The following FLRT2 variants were observed in gnomAD, a reference collection of about 807,000 sequenced individuals.
The protein encoded by FLRT2 is leucine-rich repeat transmembrane protein FLRT2.
Under a neutral mutation model 40.0 loss-of-function variants are expected in FLRT2, and 15 were observed. The ratio of observed to expected loss-of-function variants is 0.38; its 90% CI spans 0.25 to 0.58. The LOEUF (loss-of-function observed/expected upper bound fraction) is 0.58. FLRT2 is among the 20% of genes least tolerant of loss of function. The pLI, the probability that FLRT2 is intolerant of heterozygous loss-of-function variation, is 0.71. For synonymous variants in FLRT2, 380 were observed against 336.8 expected, an observed-to-expected ratio of 1.13 and a Z score of -1.41; for missense variants, 726 against 840.0, an observed-to-expected ratio of 0.86 and a Z score of 1.68.
rs931682548 is a variant in FLRT2, at chr14:85,652,158, A to G, written c.*28661A>G. 5 of 152,126 alleles carry G rather than the reference A, an allele frequency of 3.3e-5. No homozygotes were observed. Among genetic ancestry groups the G allele is most frequent in the Middle Eastern group, 3.2e-3 (1 of 316 alleles). The allele number at this position is 152,126 out of a possible 1,614,324, so 9.4% of individuals were successfully genotyped here. On this transcript the variant is annotated 3_prime_UTR_variant, in exon 2 of 2. Transcript: ENST00000330753. ...AAAAGTATGTTTGATGTTGCTGAAG[A>G]TTCTTTCATAAACATATTAAAGTCA...
chr14:85,550,017 C>T (rs1889516339), intron 1 of FLRT2, among the ~76,000 whole-genome samples: 1 of 143,176 alleles, frequency 7.0e-6, no homozygotes, highest in Non-Finnish European at 1.5e-5. Flanking sequence ...TTGAAGAACT[C>T]TTACAACCAC....
In FLRT2 at chr14:85,629,818, C is replaced by T. The variant is rs1893820822; in HGVS notation, c.*6321C>T. 1 of 152,124 alleles carries T rather than the reference C, an allele frequency of 6.6e-6. No homozygotes were observed. Among genetic ancestry groups the T allele is most frequent in the African/African-American group, 2.4e-5 (1 of 41,426 alleles). 9.4% of individuals were successfully genotyped at this position (152,124 alleles called of 1,614,324 possible). A position where few individuals can be genotyped will look rare whatever the true frequency, so the allele number is the denominator to read the frequency against. ...AATAAAGGGAACATTTTAGAAGCCT[C>T]AAAATTCTTGTCTTTTAAAGCCCTT... On this transcript the variant is annotated 3_prime_UTR_variant, in exon 2 of 2. Transcript: ENST00000330753.
At chr14:85,562,372 T>C (rs1463382795) in intron 1 of FLRT2, among the ~76,000 whole-genome samples, 1 of 152,204 alleles carries the variant, frequency 6.6e-6, no homozygotes, top group Non-Finnish European at 1.5e-5. Flanking sequence ...GTGTGTGGCA[T>C]TTGGCATCAA....
At chr14:85,552,358 A>C (rs920391920) in intron 1 of FLRT2, among the ~76,000 whole-genome samples, 2 of 152,238 alleles carry the variant, frequency 1.3e-5, no homozygotes, top group African/African-American at 2.4e-5. Flanking sequence ...GATAGCAGTA[A>C]TAAAACCCCT....
Position 85,647,136 on chromosome 14 carries a change from C to T in FLRT2, c.*23639C>T, listed in dbSNP as rs562064718. The T allele has an allele frequency of 6.6e-6, 1 of 152,220 alleles. No individual in the cohort carries two copies. Among genetic ancestry groups the T allele is most frequent in the South Asian group, 2.1e-4 (1 of 4,820 alleles). 9.4% of individuals were successfully genotyped at this position (152,220 alleles called of 1,614,324 possible). A position where few individuals can be genotyped will look rare whatever the true frequency, so the allele number is the denominator to read the frequency against. On this transcript the variant is annotated 3_prime_UTR_variant, in exon 2 of 2. Transcript: ENST00000330753. Reference sequence around the variant, plus strand: ...TTTAGTATCTCATATGCTTCGTGTACATGTCATGTATGAAGGTGCCTGAGG... The same window carrying T: ...TTTAGTATCTCATATGCTTCGTGTATATGTCATGTATGAAGGTGCCTGAGG...
rs1555372977 is a variant in FLRT2 at position 85,631,132 on chromosome 14, A to ATATATATAT, written c.*7635_*7636insTATATATAT. 2 of 139,532 alleles carry ATATATATAT rather than the reference A, an allele frequency of 1.4e-5. No homozygotes were observed. The highest frequency in any genetic ancestry group is 2.8e-5 in the African/African-American group (1 of 36,252). 8.6% of individuals were successfully genotyped at this position (139,532 alleles called of 1,614,324 possible). On this transcript the variant is annotated 3_prime_UTR_variant, in exon 2 of 2. Coordinates refer to ENST00000330753, the MANE Select transcript of FLRT2 (RefSeq NM_013231.6). Reference sequence around the variant, plus strand: ...AGATTTTATATATATATATATATGAAATGAGCAAACAAAATGCTTTCAGTT... The same window carrying ATATATATAT: ...AGATTTTATATATATATATATATGAATATATATATATGAGCAAACAAAATGCTTTCAGTT...
At chr14:85,567,006 A>T (rs541163055) in intron 1 of FLRT2, among the ~76,000 whole-genome samples, 141 of 152,316 alleles carry the variant, frequency 9.3e-4, no homozygotes, top group African/African-American at 3.2e-3. Flanking sequence ...CTCATGATTG[A>T]AACAGTGTCA....
rs773064350 is a variant in FLRT2 at position 85,621,554 on chromosome 14, T to A, written c.40T>A (p.Phe14Ile). ...CACAAAGTGGCCCAGCCATGGGGCT[T>A]TTTTCCTGAAGTCTTGGCTTATCAT... The part of the protein sequence containing the change: ...QTTKWPSHGA[F>I]FLKSWLIISL... Residue 14 changes from phenylalanine to isoleucine, a missense_variant, in exon 2 of 2, where the codon TTT becomes ATT. By Grantham distance (21) the Phe-to-Ile change is conservative. Transcript: ENST00000330753. The A allele has an allele frequency of 6.2e-7, 1 of 1,613,964 alleles. No homozygotes were observed. The highest frequency in any genetic ancestry group is 1.1e-5 in the South Asian group (1 of 91,070).
At chr14:85,534,690 T>C (rs1888534670) in intron 1 of FLRT2, among the ~76,000 whole-genome samples, 1 of 151,912 alleles carries the variant, frequency 6.6e-6, no homozygotes, top group South Asian at 2.1e-4. Context: ...TGATGCGCAG[T>C]GGTCCTAAGG....
chr14:85,652,918 A>G lies in FLRT2; in HGVS notation c.*29421A>G, dbSNP rs1894468717. 2 of 152,136 alleles carry G rather than the reference A, an allele frequency of 1.3e-5. No homozygotes were observed. The allele number at this position is 152,136 out of a possible 1,614,324, so 9.4% of individuals were successfully genotyped here. On this transcript the variant is annotated 3_prime_UTR_variant, in exon 2 of 2. Coordinates refer to ENST00000330753, the MANE Select transcript of FLRT2 (RefSeq NM_013231.6). ...ATTCATTGAACTCTGAGGTTATAGA[A>G]CTGTGAACTTTTCGATTTGTTCGGC...
Position 85,653,944 on chromosome 14 carries a change from A to G in FLRT2, c.*30447A>G, listed in dbSNP as rs1894490654. ...TGTAGCTATAATTATCTTTCTTGACACTAACAGTACATGATTCCTAAATGC... is the reference window on the plus strand; with the variant it reads ...TGTAGCTATAATTATCTTTCTTGACGCTAACAGTACATGATTCCTAAATGC... On this transcript the variant is annotated 3_prime_UTR_variant, in exon 2 of 2. Transcript: ENST00000330753. 1 of 152,210 alleles carries G rather than the reference A, an allele frequency of 6.6e-6. No homozygotes were observed. Among genetic ancestry groups the G allele is most frequent in the Non-Finnish European group, 1.5e-5 (1 of 68,042 alleles). The allele number at this position is 152,210 out of a possible 1,614,324, so 9.4% of individuals were successfully genotyped here.
At chr14:85,565,064 T>C (rs1268606474) in intron 1 of FLRT2, among the ~76,000 whole-genome samples, 1 of 152,184 alleles carries the variant, frequency 6.6e-6, no homozygotes, top group African/African-American at 2.4e-5. Context: ...GCCACAGAAA[T>C]CCTAAAGTGT....
chr14:85,631,441 G>C lies in FLRT2; in HGVS notation c.*7944G>C, dbSNP rs1462038568. ...CCCCTGGAAACAGAAAACATATTCTGTAAATTGTTGTACCTCATCCAGTGT... is the reference window on the plus strand; with the variant it reads ...CCCCTGGAAACAGAAAACATATTCTCTAAATTGTTGTACCTCATCCAGTGT... On this transcript the variant is annotated 3_prime_UTR_variant, in exon 2 of 2. Transcript: ENST00000330753. The C allele has an allele frequency of 1.3e-5, 2 of 152,132 alleles. No individual in the cohort carries two copies. Among genetic ancestry groups the C allele is most frequent in the Non-Finnish European group, 2.9e-5 (2 of 68,044 alleles). The allele number at this position is 152,132 out of a possible 1,614,324, so 9.4% of individuals were successfully genotyped here. A position where few individuals can be genotyped will look rare whatever the true frequency, so the allele number is the denominator to read the frequency against.
chr14:85,569,185 A>G (rs1485234853), intron 1 of FLRT2, among the ~76,000 whole-genome samples: 1 of 152,130 alleles, frequency 6.6e-6, no homozygotes, highest in Non-Finnish European at 1.5e-5. Flanking sequence ...TTTGCCTTTG[A>G]GCATTGTTCT....
Position 85,641,288 on chromosome 14 carries a change from G to T in FLRT2, c.*17791G>T, listed in dbSNP as rs1445897557. 3 of 152,208 alleles carry T rather than the reference G, an allele frequency of 2.0e-5. No homozygotes were observed. Among genetic ancestry groups the T allele is most frequent in the Non-Finnish European group, 4.4e-5 (3 of 68,036 alleles). The allele number at this position is 152,208 out of a possible 1,614,324, so 9.4% of individuals were successfully genotyped here. A position where few individuals can be genotyped will look rare whatever the true frequency, so the allele number is the denominator to read the frequency against. On this transcript the variant is annotated 3_prime_UTR_variant, in exon 2 of 2. Transcript: ENST00000330753. ...TTCTATATGCCTTCCTTTCTGGATA[G>T]AATCGATCACATTTGCTGGACTCCA... is the stretch of plus-strand genomic sequence containing the variant.
At chr14:85,550,914 G>A (rs1365600237) in intron 1 of FLRT2, among the ~76,000 whole-genome samples, 2 of 152,090 alleles carry the variant, frequency 1.3e-5, no homozygotes, top group East Asian at 3.9e-4. Flanking sequence ...TAATCTGCTG[G>A]TTTAGCTTAA....
At chr14:85,608,791 A>G (rs569236272) in intron 1 of FLRT2, among the ~76,000 whole-genome samples, 63 of 152,298 alleles carry the variant, frequency 4.1e-4, no homozygotes, top group African/African-American at 1.5e-3. Context: ...GTGAAGAGCC[A>G]CTGCCCTCAA....
chr14:85,616,850 C>T (rs1041005869), intron 1 of FLRT2, among the ~76,000 whole-genome samples: 2 of 152,106 alleles, frequency 1.3e-5, no homozygotes, highest in Admixed American at 6.6e-5. Context: ...GCTGTATCCT[C>T]GTTCTAGTGC....
chr14:85,547,079 A>G (rs1049347143), intron 1 of FLRT2, among the ~76,000 whole-genome samples: 9 of 151,966 alleles, frequency 5.9e-5, no homozygotes, highest in African/African-American at 2.2e-4. Context: ...TGACCTGCAC[A>G]CCAATTACAT....
Sources: gnomAD v4.1 joint callset for allele counts (sites outside exome capture counted in the v4.1 genomes callset) on GRCh38, gnomAD v4.1.1 for gene constraint, MANE v1.5 for transcripts, NCBI Gene and HGNC (gene_info 2026-07-23, HGNC 2026-07-21) for gene names.